The following EDDM13 variants were observed in gnomAD, a reference collection of about 807,000 sequenced individuals.
EDDM13 encodes epididymal protein 13.
A neutral mutation model predicts 17.8 loss-of-function variants in EDDM13; 24 were observed. The ratio of observed to expected loss-of-function variants is 1.35; its 90% CI spans 0.98 to 1.90. The LOEUF (loss-of-function observed/expected upper bound fraction) is 1.90. EDDM13 is among the 40% of genes most tolerant of loss of function. The pLI, the probability that EDDM13 is intolerant of heterozygous loss-of-function variation, is 0.00. For missense variants in EDDM13, 97 were observed against 100.8 expected, an observed-to-expected ratio of 0.96 and a Z score of 0.16; for synonymous variants, 31 against 37.5, an observed-to-expected ratio of 0.83 and a Z score of 0.63.
rs574052796 is a variant in EDDM13 at position 56,293,088 on chromosome 19, C to T, written c.232+2242C>T. Among the ~76,000 whole-genome samples, 5 of 152,334 alleles carry T rather than the reference C, an allele frequency of 3.3e-5. No homozygotes were observed. The East Asian group carries it at 9.6e-4, about 29-fold the overall frequency. On this transcript the variant is annotated intron_variant, in intron 9 of 14. Transcript: ENST00000649256. ...TCCTGTCCATGCCCCACACCCACCT[C>T]CAAACCCCACTTCTATGCAGCTTGA...
At chr19:56,294,524 TA>T (rs554858013) in intron 9 of EDDM13, among the ~76,000 whole-genome samples, 98 of 152,318 alleles carry the variant, frequency 6.4e-4, no homozygotes, top group African/African-American at 2.3e-3. Flanking sequence ...CGCTAAATAG[TA>T]AACATCTTAG....
chr19:56,284,308 C>T (rs1212669072), intron 5 of EDDM13, 102 bp downstream of exon 5: 1 of 317,464 alleles, frequency 3.1e-6, no homozygotes, highest in African/African-American at 2.3e-5. Context: ...TGTGTGTATT[C>T]ATTGGTGGGT....
At chr19:56,304,902 TGGCATTTG>T (rs1425698939) in intron 14 of EDDM13, 72 bp downstream of exon 14, 450 of 574,286 alleles carry the variant, frequency 7.8e-4, no homozygotes, top group Non-Finnish European at 9.2e-4. Context: ...CCCAACTGCC[TGGCATTTG>T]AGGTAAGGAA....
At chr19:56,288,701 G>A (rs888033860) in intron 7 of EDDM13, among the ~76,000 whole-genome samples, 173 bp from the exon 8 acceptor site, 3 of 152,140 alleles carry the variant, frequency 2.0e-5, no homozygotes, top group Non-Finnish European at 4.4e-5. Context: ...GTCTTCACCC[G>A]TAAAATGAGT....
intron 13 of EDDM13, 125 bp downstream of exon 13, chr19:56,302,220 C>T (rs928853047): frequency 1.8e-6 from 1 of 548,534 alleles, no homozygotes; most frequent in Non-Finnish European, 2.7e-6. Flanking sequence ...GTGGGAGAGC[C>T]CTTCTGTAAA....
chr19:56,277,098 T>C (rs540357630), intron 2 of EDDM13, among the ~76,000 whole-genome samples: 27 of 152,288 alleles, frequency 1.8e-4, no homozygotes, highest in Non-Finnish European at 3.7e-4. Context: ...CTGGTGGGAA[T>C]GTGAAATGAT....
At chr19:56,285,563 G>A (rs1351618766) in intron 6 of EDDM13, among the ~76,000 whole-genome samples, 2 of 151,928 alleles carry the variant, frequency 1.3e-5, no homozygotes, top group Non-Finnish European at 2.9e-5. Context: ...TATGTTTTTA[G>A]TTGTTTCCTT....
intron 2 of EDDM13, among the ~76,000 whole-genome samples, chr19:56,279,821 T>A (rs2038548371): frequency 6.6e-6 from 1 of 152,224 alleles, no homozygotes; most frequent in Non-Finnish European, 1.5e-5. Context: ...TGTTTCAATT[T>A]AAAATATTAT....
At chr19:56,287,208 A>T (rs966188853) in intron 6 of EDDM13, among the ~76,000 whole-genome samples, 4 of 152,182 alleles carry the variant, frequency 2.6e-5, no homozygotes, top group African/African-American at 9.7e-5. Flanking sequence ...CTGGAAGTAG[A>T]ACTCTCCTCC....
chr19:56,304,431 A>C (rs2040550009), intron 13 of EDDM13, among the ~76,000 whole-genome samples: 1 of 152,374 alleles, frequency 6.6e-6, no homozygotes, highest in Admixed American at 6.5e-5. Flanking sequence ...ACTGGCATCC[A>C]GTGGGCAGAG....
chr19:56,308,361 T>C (rs1450525872), intron 14 of EDDM13, among the ~76,000 whole-genome samples: 2 of 145,338 alleles, frequency 1.4e-5, no homozygotes, highest in Non-Finnish European at 3.0e-5. Context: ...GCTCACTCTG[T>C]CACCCAGGCT....
chr19:56,308,331 C>CTTTTTT (rs543582885), intron 14 of EDDM13, among the ~76,000 whole-genome samples: 4 of 144,668 alleles, frequency 2.8e-5, no homozygotes, highest in South Asian at 2.2e-4. Flanking sequence ...GGCTCCCAGT[C>CTTTTTT]TTTTTTTTTT....
chr19:56,288,876 A>G lies in EDDM13; in HGVS notation c.211A>G (p.Arg71Gly), dbSNP rs1366766668. Residue 71 changes from arginine (R) to glycine (G), a missense_variant and splice_region_variant, in exon 8 of 15, where the codon AGG (arginine) becomes GGG (glycine). Coordinates refer to ENST00000649256, the MANE Select transcript of EDDM13 (RefSeq NM_001354658.2). ...KMPPLVSPQDRTEEEIKKILG... is the reference protein window; with the variant it reads ...KMPPLVSPQDGTEEEIKKILG... Reference sequence around the variant, plus strand: ...GCTGCCTACATTCTAGCCTCCAGATAGGACAGAAGAAGAAAGTAAGTACTG... The same window carrying G: ...GCTGCCTACATTCTAGCCTCCAGATGGGACAGAAGAAGAAAGTAAGTACTG... Among the ~76,000 whole-genome samples the G allele has an allele frequency of 6.6e-6, 1 of 152,178 alleles. No individual in the cohort carries two copies. The highest frequency in any genetic ancestry group is 1.5e-5 in the Non-Finnish European group (1 of 68,026).
intron 2 of EDDM13, among the ~76,000 whole-genome samples, chr19:56,280,135 T>G (rs916642426): frequency 2.0e-5 from 3 of 152,200 alleles, no homozygotes; most frequent in African/African-American, 7.2e-5. Context: ...AAATGTGTAT[T>G]TATATATTCA....
In EDDM13 at chr19:56,281,042, T is replaced by A. The variant is rs887265570; in HGVS notation, c.104-651T>A. ...TACTGTTGACCAGAAGACTTACTAA[T>A]AACATAAACAGTAGATTAACATATA... is the stretch of plus-strand genomic sequence containing the variant. On this transcript the variant is annotated intron_variant, in intron 2 of 14. Coordinates refer to ENST00000649256, the MANE Select transcript of EDDM13 (RefSeq NM_001354658.2). 3.2e-4 allele frequency among the ~76,000 whole-genome samples: 49 copies of A among 152,302 alleles called. 1 individual carries two copies. The Middle Eastern group carries it at 0.027, about 85-fold the overall frequency.
At chr19:56,290,230 T>C (rs2039422567) in intron 8 of EDDM13, among the ~76,000 whole-genome samples, 3 of 152,242 alleles carry the variant, frequency 2.0e-5, no homozygotes, top group African/African-American at 7.2e-5. Context: ...TGAGAACTAC[T>C]GAGATAAAGT....
At chr19:56,289,228 G>A (rs1405040755) in intron 8 of EDDM13, among the ~76,000 whole-genome samples, 1 of 152,210 alleles carries the variant, frequency 6.6e-6, no homozygotes, top group African/African-American at 2.4e-5. Context: ...CTAAATTTTA[G>A]TAATTGTCTC....
rs773946102 is a variant in EDDM13 at position 56,284,207 on chromosome 19, G to T, written c.127+1G>T. 1.3e-5 allele frequency: 13 copies of T among 980,968 alleles called. No homozygotes were observed. In the South Asian group the frequency reaches 3.3e-4, roughly 25 times the overall value. 60.8% of individuals were successfully genotyped at this position (980,968 alleles called of 1,614,324 possible). The stretch of plus-strand genomic sequence containing the variant: ...GATGGGCTGCCATCAGGGATCATAG[G>T]TAAGTACCTTGCCACTTCACAATGC... On this transcript the variant is annotated splice_donor_variant, in intron 5 of 14. Transcript: ENST00000649256. LOFTEE classifies it high-confidence loss of function.
At chr19:56,281,870 G>A (rs927931934) in intron 3 of EDDM13, among the ~76,000 whole-genome samples, 172 bp downstream of exon 3, 9 of 152,174 alleles carry the variant, frequency 5.9e-5, no homozygotes, top group Admixed American at 2.0e-4. Flanking sequence ...CAGATTGCCC[G>A]GGGTGGGAAC....
Sources: gnomAD v4.1 joint callset for allele counts (sites outside exome capture counted in the v4.1 genomes callset) on GRCh38, gnomAD v4.1.1 for gene constraint, MANE v1.5 for transcripts, NCBI Gene and HGNC (gene_info 2026-07-23, HGNC 2026-07-21) for gene names.